DAAM1: variants seen among roughly 807,000 people sequenced by gnomAD.
The protein encoded by DAAM1 is disheveled-associated activator of morphogenesis 1.
In DAAM1, 52 loss-of-function variants were observed where a neutral mutation model predicts 130.0. The ratio of observed to expected loss-of-function variants is 0.40; its 90% CI spans 0.32 to 0.50. DAAM1 has a LOEUF of 0.50. Ranked by LOEUF, DAAM1 falls within the 20% of genes least tolerant of loss-of-function variation. The pLI is 0.61. For synonymous variants in DAAM1, 452 were observed against 444.5 expected, an observed-to-expected ratio of 1.02 and a Z score of -0.21; for missense variants, 1,134 against 1,303.8, an observed-to-expected ratio of 0.87 and a Z score of 2.01.
At chr14:59,324,278 ATAAT>A in intron 7 of DAAM1, 40 bp downstream of exon 7, 1 of 1,395,168 alleles carries the variant, frequency 7.2e-7, no homozygotes, top group African/African-American at 1.5e-5. Context: ...TTAGTAAATA[ATAAT>A]TTATAAAAAG....
intron 23 of DAAM1, among the ~76,000 whole-genome samples, chr14:59,366,376 TAAC>T (rs964091859): frequency 6.6e-6 from 1 of 152,166 alleles, no homozygotes; most frequent in African/African-American, 2.4e-5. Context: ...GAAAATATCT[TAAC>T]AATAGCAGCA....
At chr14:59,220,397 G>T (rs979717485) in intron 1 of DAAM1, among the ~76,000 whole-genome samples, 3 of 152,124 alleles carry the variant, frequency 2.0e-5, no homozygotes, top group African/African-American at 7.2e-5. Context: ...AACATTTAAG[G>T]GAGGTAGAAG....
At chr14:59,253,522 C>T (rs975989525) in intron 1 of DAAM1, among the ~76,000 whole-genome samples, 13 of 152,156 alleles carry the variant, frequency 8.5e-5, no homozygotes, top group African/African-American at 3.1e-4. Flanking sequence ...AATTTGCTTT[C>T]AGTGTAAACA....
At chr14:59,279,869 G>A (rs915163278) in intron 2 of DAAM1, among the ~76,000 whole-genome samples, 1 of 152,206 alleles carries the variant, frequency 6.6e-6, no homozygotes, top group Admixed American at 6.5e-5. Context: ...GATATATAAA[G>A]AATTACTTTA....
chr14:59,287,644 C>G (rs1241556746), intron 2 of DAAM1, among the ~76,000 whole-genome samples: 2 of 152,042 alleles, frequency 1.3e-5, no homozygotes, highest in Non-Finnish European at 2.9e-5. Flanking sequence ...CATTCAAGTT[C>G]AGACCTACAT....
intron 3 of DAAM1, among the ~76,000 whole-genome samples, chr14:59,307,013 A>G (rs1884404223): frequency 6.6e-6 from 1 of 152,186 alleles, no homozygotes; most frequent in Admixed American, 6.5e-5. Context: ...TTAGTCATGC[A>G]GTGTGGCCTC....
At chr14:59,298,612 A>G (rs1163545553) in intron 3 of DAAM1, among the ~76,000 whole-genome samples, 1 of 152,242 alleles carries the variant, frequency 6.6e-6, no homozygotes, top group African/African-American at 2.4e-5. Flanking sequence ...AAAAGTCAGC[A>G]CTATTAAAAT....
chr14:59,225,910 A>G (rs1888927093), intron 1 of DAAM1, among the ~76,000 whole-genome samples: 2 of 149,872 alleles, frequency 1.3e-5, no homozygotes, highest in South Asian at 2.1e-4. Context: ...TTGCCCATGT[A>G]TATCTATGAA....
chr14:59,359,549 G>A (rs911267860), intron 21 of DAAM1, 45 bp downstream of exon 21: 2 of 1,486,832 alleles, frequency 1.3e-6, no homozygotes, highest in South Asian at 2.3e-5. Flanking sequence ...CACTTGGATT[G>A]TGTGTTAGCC....
At chr14:59,359,907 A>T (rs942658686) in intron 21 of DAAM1, among the ~76,000 whole-genome samples, 1 of 152,222 alleles carries the variant, frequency 6.6e-6, no homozygotes, top group African/African-American at 2.4e-5. Context: ...GCAAATGAAG[A>T]AACTAAAAAT....
At position 59,326,005 on chromosome 14, in the gene DAAM1, A is replaced by C. The variant is rs1211187682; in HGVS notation, c.1102A>C (p.Arg368=). 2 of 1,614,118 alleles carry C rather than the reference A, an allele frequency of 1.2e-6. No homozygotes were observed. The highest frequency in any genetic ancestry group is 2.7e-5 in the African/African-American group (2 of 74,962). ...TGCAACTCAGATGTTTGAGCTGACC[A>C]GGAAGAGGCTGACACATAGTGAAGC... The part of the protein sequence containing the change: ...KSATQMFELT[R]KRLTHSEAYP... The change falls in exon 10 of 25, where the codon AGG becomes CGG. Residue 368 remains arginine (R), a synonymous_variant. Transcript: ENST00000360909.
At chr14:59,268,849 C>G (rs1882580702) in intron 2 of DAAM1, among the ~76,000 whole-genome samples, 1 of 152,176 alleles carries the variant, frequency 6.6e-6, no homozygotes, top group Admixed American at 6.5e-5. Flanking sequence ...ATGAATAACA[C>G]TCACCTATTG....
chr14:59,299,527 T>C (rs1264757940), intron 3 of DAAM1, among the ~76,000 whole-genome samples: 1 of 152,224 alleles, frequency 6.6e-6, no homozygotes, highest in Non-Finnish European at 1.5e-5. Context: ...TTCACCCATA[T>C]GCTGACCTGG....
chr14:59,368,546 C>A, intron 24 of DAAM1, 104 bp from the exon 25 acceptor site: 1 of 1,175,368 alleles, frequency 8.5e-7, no homozygotes, highest in Non-Finnish European at 1.2e-6. Flanking sequence ...ATGAGCATAG[C>A]TTGGTGTCTG....
chr14:59,192,920 G>T (rs1471074230), intron 1 of DAAM1, among the ~76,000 whole-genome samples: 1 of 152,218 alleles, frequency 6.6e-6, no homozygotes, highest in East Asian at 1.9e-4. Flanking sequence ...GGGTGTGGTG[G>T]CGGGTGCCTG....
At chr14:59,237,237 A>G (rs1305003965) in intron 1 of DAAM1, among the ~76,000 whole-genome samples, 1 of 152,222 alleles carries the variant, frequency 6.6e-6, no homozygotes, top group Non-Finnish European at 1.5e-5. Flanking sequence ...TTCTGTCAGA[A>G]TAGAATGTAT....
chr14:59,363,519 T>A (rs1886793371), intron 22 of DAAM1, 132 bp from the exon 23 acceptor site: 1 of 1,335,240 alleles, frequency 7.5e-7, no homozygotes, highest in African/African-American at 1.5e-5. Flanking sequence ...TATAACAAAA[T>A]GTTTTAGAAC....
At chr14:59,338,502 T>C in intron 15 of DAAM1, 1 of 1,482,656 alleles carries the variant, frequency 6.7e-7, no homozygotes, top group East Asian at 2.3e-5. Flanking sequence ...GGGTTTTGTT[T>C]TTGTTTTTGT....
Position 59,369,135 on chromosome 14 carries a change from G to T in DAAM1, c.*276G>T. ...CGTGTATGCATTCACATTGAGTGTG[G>T]CTCATTTTCTTTCCCCGAACGCCAT... is the stretch of plus-strand genomic sequence containing the variant. On this transcript the variant is annotated 3_prime_UTR_variant, in exon 25 of 25. Transcript: ENST00000360909. 3.3e-6 allele frequency: 1 copy of T among 300,142 alleles called. No homozygotes were observed. Among genetic ancestry groups the T allele is most frequent in the South Asian group, 5.9e-5 (1 of 16,956 alleles). 18.6% of individuals were successfully genotyped at this position (300,142 alleles called of 1,614,324 possible). A position where few individuals can be genotyped will look rare whatever the true frequency, so the allele number is the denominator to read the frequency against.
Sources: allele counts gnomAD v4.1 joint callset (sites outside exome capture counted in the v4.1 genomes callset), GRCh38; gene constraint gnomAD v4.1.1; transcripts MANE v1.5; gene names NCBI Gene and HGNC (gene_info 2026-07-23, HGNC 2026-07-21).